TENM2: variants seen among roughly 807,000 people sequenced by gnomAD.
TENM2 encodes teneurin-2.
In TENM2, 52 loss-of-function variants were observed where a neutral mutation model predicts 245.2. The ratio of observed to expected loss-of-function variants is 0.21; its 90% confidence interval spans 0.17 to 0.27. The LOEUF (loss-of-function observed/expected upper bound fraction) is 0.27. TENM2 is among the 10% of genes least tolerant of loss of function. The pLI, the probability that TENM2 is intolerant of heterozygous loss-of-function variation, is 1.00. For synonymous variants in TENM2, 1,363 were observed against 1,438.9 expected (o/e 0.95, Z 1.19); for missense variants, 3,046 against 3,666.8 (o/e 0.83, Z 4.37).
At position 167,827,632 on chromosome 5, in the gene TENM2, G is replaced by GT. The variant is rs1554126492; in HGVS notation, c.503-48354_503-48353insT. On this transcript the variant is annotated intron_variant, in intron 2 of 28. Coordinates refer to ENST00000518659, the Ensembl canonical transcript of TENM2. ...TATGGCAAGGAGCTAGGTGGGCGGG[G>GT]GGGGGGGAACAGTTTAATGAGCGTG... Among the ~76,000 whole-genome samples, 24 of 123,122 alleles carry GT rather than the reference G, an allele frequency of 1.9e-4. No individual in the cohort carries two copies. In the South Asian group the frequency reaches 4.7e-3, roughly 24 times the overall value. 80.8% of individuals were successfully genotyped at this position (123,122 alleles called of 152,430 possible).
intron 3 of TENM2, among the ~76,000 whole-genome samples, chr5:167,905,960 C>G (rs1776056293): frequency 6.6e-6 from 1 of 152,130 alleles, no homozygotes; most frequent in Admixed American, 6.5e-5. Context: ...CTGTTAGGAG[C>G]TTGTTATTGT....
chr5:167,158,387 C>T, the TENM2 span, among the ~76,000 whole-genome samples: 1 of 152,144 alleles, frequency 6.6e-6, no homozygotes, highest in Admixed American at 6.6e-5. Context: ...CTTATATGAT[C>T]TCTTTCTTGC....
chr5:167,655,494 G>A (rs772820013), intron 2 of TENM2, among the ~76,000 whole-genome samples: 6 of 152,160 alleles, frequency 3.9e-5, no homozygotes, highest in Non-Finnish European at 7.4e-5. Context: ...CTTTAGTTCA[G>A]TTAGAATCTG....
chr5:167,616,188 A>G (rs1435975179), intron 2 of TENM2, among the ~76,000 whole-genome samples: 2 of 152,258 alleles, frequency 1.3e-5, no homozygotes, highest in African/African-American at 2.4e-5. Flanking sequence ...GCTTCACCAG[A>G]TATGATGCAC....
At chr5:167,046,439 G>A in the TENM2 span, among the ~76,000 whole-genome samples, 1 of 152,098 alleles carries the variant, frequency 6.6e-6, no homozygotes, top group African/African-American at 2.4e-5. Flanking sequence ...TTTACTTACT[G>A]AAAATTACCA....
At chr5:168,236,701 G>C (rs890204977) in intron 25 of TENM2, among the ~76,000 whole-genome samples, 4 of 151,530 alleles carry the variant, frequency 2.6e-5, no homozygotes, top group Non-Finnish European at 5.9e-5. Context: ...TCTAGGGCAG[G>C]GGTCATAACT....
chr5:167,199,106 A>AAG, the TENM2 span, among the ~76,000 whole-genome samples: 1 of 151,406 alleles, frequency 6.6e-6, no homozygotes, highest in African/African-American at 2.4e-5. Flanking sequence ...GTAAAAAAAA[A>AAG]AAAAAAAAAA....
At chr5:167,861,417 C>G (rs977884794) in intron 2 of TENM2, among the ~76,000 whole-genome samples, 3 of 152,190 alleles carry the variant, frequency 2.0e-5, no homozygotes, top group Admixed American at 6.5e-5. Flanking sequence ...GTGGAAATGA[C>G]AAACGTCTAC....
intron 5 of TENM2, among the ~76,000 whole-genome samples, chr5:168,000,398 A>G (rs778116885): frequency 6.6e-6 from 1 of 152,210 alleles, no homozygotes; most frequent in South Asian, 2.1e-4. Flanking sequence ...AAGCACATAC[A>G]TGGACTTTGG....
chr5:167,119,689 C>G, the TENM2 span: 1 of 152,198 alleles, frequency 6.6e-6, no homozygotes, highest in Non-Finnish European at 1.5e-5. Flanking sequence ...AAGGCCCCAC[C>G]TCTTAATATC....
intron 1 of TENM2, among the ~76,000 whole-genome samples, chr5:167,323,236 T>A (rs954005398): frequency 6.6e-6 from 1 of 152,250 alleles, no homozygotes; most frequent in Non-Finnish European, 1.5e-5. Context: ...GTTTTCTGAA[T>A]GTACAGATAA....
At chr5:168,159,550 A>C (rs1429375637) in intron 12 of TENM2, among the ~76,000 whole-genome samples, 1 of 152,184 alleles carries the variant, frequency 6.6e-6, no homozygotes, top group South Asian at 2.1e-4. Context: ...CTGGCTTTGC[A>C]CTTTACAAAC....
chr5:167,576,345 T>TTA (rs1554084359), intron 2 of TENM2, among the ~76,000 whole-genome samples: 2 of 150,952 alleles, frequency 1.3e-5, no homozygotes, highest in Non-Finnish European at 3.0e-5. Context: ...TTTTTTTTTT[T>TTA]ACAGGAAAAA....
chr5:167,440,368 G>A (rs1302102553), intron 2 of TENM2, among the ~76,000 whole-genome samples: 1 of 152,104 alleles, frequency 6.6e-6, no homozygotes, highest in Admixed American at 6.6e-5. Flanking sequence ...CATCCAATGT[G>A]CCAACTTCAG....
At chr5:167,210,342 G>GCA in the TENM2 span, among the ~76,000 whole-genome samples, 1 of 151,944 alleles carries the variant, frequency 6.6e-6, no homozygotes, top group Non-Finnish European at 1.5e-5. Flanking sequence ...ATTCTGCAAA[G>GCA]CAGTCCTAAA....
chr5:167,346,088 C>T (rs2127827444), intron 1 of TENM2, among the ~76,000 whole-genome samples: 1 of 152,200 alleles, frequency 6.6e-6, no homozygotes, highest in South Asian at 2.1e-4. Flanking sequence ...CCAAGTCCGC[C>T]AAATAGCAAG....
chr5:167,483,652 T>A (rs1274984016), intron 2 of TENM2, among the ~76,000 whole-genome samples: 2 of 152,214 alleles, frequency 1.3e-5, no homozygotes, highest in East Asian at 3.9e-4. Context: ...AACAAGCTAA[T>A]GAGTACATTC....
intron 6 of TENM2, among the ~76,000 whole-genome samples, chr5:168,061,214 CT>C (rs1280262503): frequency 2.6e-5 from 4 of 152,202 alleles, no homozygotes; most frequent in Middle Eastern, 3.4e-3. Context: ...TATACTGAGA[CT>C]TTTTTTCCCC....
intron 2 of TENM2, among the ~76,000 whole-genome samples, chr5:167,671,888 G>A (rs181111801): frequency 7.7e-4 from 116 of 151,596 alleles, no homozygotes; most frequent in African/African-American, 2.7e-3. Flanking sequence ...GAATTCTCTG[G>A]GCTATAAACA....
Sources: allele counts gnomAD v4.1 joint callset (sites outside exome capture counted in the v4.1 genomes callset), GRCh38; gene constraint gnomAD v4.1.1; transcripts MANE v1.5; gene names NCBI Gene and HGNC (gene_info 2026-07-23, HGNC 2026-07-21).